DIP2B: variants seen among roughly 807,000 people sequenced by gnomAD.
DIP2B encodes the protein disco-interacting protein 2 homolog B.
A neutral mutation model predicts 198.0 loss-of-function variants in DIP2B; 76 were observed. The ratio of observed to expected loss-of-function variants is 0.38; its 90% confidence interval spans 0.32 to 0.46. The LOEUF is 0.46. DIP2B is among the 20% of genes least tolerant of loss of function. The probability of loss-of-function intolerance (pLI) is 0.99; values close to 1 mark genes in which losing one functional copy is unlikely to be tolerated. For missense variants in DIP2B, 1,559 were observed against 1,978.4 expected (o/e 0.79, Z 4.02); for synonymous variants, 701 against 739.1 (o/e 0.95, Z 0.84).
chr12:50,634,805 G>A (rs1326355962), intron 2 of DIP2B, among the ~76,000 whole-genome samples: 1 of 152,066 alleles, frequency 6.6e-6, no homozygotes, highest in Non-Finnish European at 1.5e-5. Flanking sequence ...CTGATATATA[G>A]TAGATGTTCT....
chr12:50,534,883 T>A (rs1482968519), intron 1 of DIP2B, among the ~76,000 whole-genome samples: 1 of 152,154 alleles, frequency 6.6e-6, no homozygotes, highest in Non-Finnish European at 1.5e-5. Context: ...TGAGATGACC[T>A]ATGATTAGAT....
chr12:50,697,533 CTTTTTTTTTTT>C (rs11306905), intron 17 of DIP2B, among the ~76,000 whole-genome samples: 4 of 45,960 alleles, frequency 8.7e-5, no homozygotes, highest in South Asian at 1.2e-3. Context: ...TATAGATATA[CTTTTTTTTTTT>C]TTTTTTTTTT....
At chr12:50,628,009 G>T (rs1285488552) in intron 2 of DIP2B, among the ~76,000 whole-genome samples, 1 of 152,184 alleles carries the variant, frequency 6.6e-6, no homozygotes, top group Admixed American at 6.5e-5. Context: ...ATGGCACCAA[G>T]GATAGGGCAG....
chr12:50,567,467 ATCTG>A (rs1384313967), intron 1 of DIP2B, among the ~76,000 whole-genome samples: 3 of 152,188 alleles, frequency 2.0e-5, no homozygotes, highest in African/African-American at 4.8e-5. Context: ...TGCTGAAAAC[ATCTG>A]TCTTTCAGAG....
intron 20 of DIP2B, among the ~76,000 whole-genome samples, chr12:50,704,504 C>T: frequency 6.6e-6 from 1 of 152,174 alleles, no homozygotes; most frequent in East Asian, 1.9e-4. Flanking sequence ...ACTCTTTTCA[C>T]TTATTCTCAC....
chr12:50,589,389 G>T (rs1264753387), intron 1 of DIP2B, among the ~76,000 whole-genome samples: 1 of 151,622 alleles, frequency 6.6e-6, no homozygotes, highest in Non-Finnish European at 1.5e-5. Flanking sequence ...TAGAGAGGGG[G>T]TTTCACCATG....
At chr12:50,645,064 C>T (rs533256389) in intron 3 of DIP2B, among the ~76,000 whole-genome samples, 12 of 152,208 alleles carry the variant, frequency 7.9e-5, no homozygotes, top group African/African-American at 2.6e-4. Flanking sequence ...CAAGATGACA[C>T]CATAGATTCA....
intron 27 of DIP2B, 49 bp downstream of exon 27, chr12:50,723,372 T>G: frequency 6.2e-7 from 1 of 1,607,108 alleles, no homozygotes; most frequent in South Asian, 1.1e-5. Flanking sequence ...AAAATCCAGA[T>G]TCAGACAACT....
chr12:50,512,162 A>G (rs1330571476), intron 1 of DIP2B, among the ~76,000 whole-genome samples: 1 of 144,650 alleles, frequency 6.9e-6, no homozygotes, highest in East Asian at 2.1e-4. Context: ...GCTGGAGTAC[A>G]GTGGCGTGAT....
chr12:50,593,440 G>A (rs1480834674), intron 1 of DIP2B, among the ~76,000 whole-genome samples: 1 of 151,872 alleles, frequency 6.6e-6, no homozygotes, highest in African/African-American at 2.4e-5. Flanking sequence ...GGGAGGCGGA[G>A]GTTGCAGTGA....
intron 1 of DIP2B, among the ~76,000 whole-genome samples, chr12:50,525,290 G>A (rs1958152690): frequency 6.6e-6 from 1 of 151,066 alleles, no homozygotes; most frequent in African/African-American, 2.4e-5. Context: ...CCCGGGAGGC[G>A]GAGCTTGCAG....
chr12:50,520,264 G>A (rs1958105120), intron 1 of DIP2B, among the ~76,000 whole-genome samples: 1 of 151,862 alleles, frequency 6.6e-6, no homozygotes, highest in South Asian at 2.1e-4. Context: ...TCTCAAACTC[G>A]TGACCTCGTG....
chr12:50,511,291 A>ATTTTTTTTTTTTTTTTTTTTTTT lies in DIP2B; in HGVS notation c.100+6072_100+6073insTTTTTTTTTTTTTTTTTTTTTTT, dbSNP rs71083581. On this transcript the variant is annotated intron_variant, in intron 1 of 37. Transcript: ENST00000301180. ...CCTATCCCTGACCAGTGTGATTTCTATTTTTTTTTTTTTTTTTTTTTGAGA... is the reference window on the plus strand; with the variant it reads ...CCTATCCCTGACCAGTGTGATTTCTATTTTTTTTTTTTTTTTTTTTTTTTTTTTTTTTTTTTTTTTTTTTGAGA... Among the ~76,000 whole-genome samples, 3 of 64,664 alleles carry ATTTTTTTTTTTTTTTTTTTTTTT rather than the reference A, an allele frequency of 4.6e-5. 1 individual carries two copies. Among genetic ancestry groups the ATTTTTTTTTTTTTTTTTTTTTTT allele is most frequent in the Non-Finnish European group, 8.0e-5 (3 of 37,680 alleles). 42.4% of individuals were successfully genotyped at this position (64,664 alleles called of 152,430 possible).
At chr12:50,506,530 G>C (rs989985042) in intron 1 of DIP2B, among the ~76,000 whole-genome samples, 1 of 152,152 alleles carries the variant, frequency 6.6e-6, no homozygotes, top group Non-Finnish European at 1.5e-5. Context: ...GTGTAGGAAA[G>C]TGCTGTTTTT....
At chr12:50,519,275 A>C (rs887040599) in intron 1 of DIP2B, among the ~76,000 whole-genome samples, 4 of 151,272 alleles carry the variant, frequency 2.6e-5, no homozygotes, top group African/African-American at 9.7e-5. Context: ...TATTTCTTAA[A>C]ATTTTTTTAG....
At chr12:50,557,583 G>A (rs944013254) in intron 1 of DIP2B, among the ~76,000 whole-genome samples, 6 of 152,220 alleles carry the variant, frequency 3.9e-5, no homozygotes, top group African/African-American at 9.6e-5. Flanking sequence ...GCTGCCACCT[G>A]CTGAACTGTG....
chr12:50,579,595 G>C (rs149421136), intron 1 of DIP2B, among the ~76,000 whole-genome samples: 1,134 of 112,896 alleles, frequency 0.01, 7 homozygotes, highest in Middle Eastern at 0.034. Context: ...CTGGGTGATA[G>C]AGTGAGACTC....
chr12:50,543,974 A>G (rs1958352155), intron 1 of DIP2B, among the ~76,000 whole-genome samples: 1 of 149,026 alleles, frequency 6.7e-6, no homozygotes, highest in South Asian at 2.1e-4. Context: ...TCACGCTTGT[A>G]ATTCCAGCGC....
intron 1 of DIP2B, among the ~76,000 whole-genome samples, chr12:50,511,289 C>CTTTTTTTTTT (rs1316212138): frequency 0.028 from 575 of 20,264 alleles, 1 homozygote; most frequent in South Asian, 0.038. Flanking sequence ...AGTGTGATTT[C>CTTTTTTTTTT]TATTTTTTTT....
Sources: gnomAD v4.1 joint callset for allele counts (sites outside exome capture counted in the v4.1 genomes callset) on GRCh38, gnomAD v4.1.1 for gene constraint, MANE v1.5 for transcripts, NCBI Gene and HGNC (gene_info 2026-07-23, HGNC 2026-07-21) for gene names.